GNG10: variants seen among roughly 807,000 people sequenced by gnomAD.
The protein encoded by GNG10 is G protein subunit gamma 10, also known as guanine nucleotide-binding protein G(I)/G(S)/G(O) subunit gamma-10.
A neutral mutation model predicts 6.8 loss-of-function variants in GNG10; 7 were observed. The observed-to-expected ratio is 1.02, with a 90% CI of 0.58 to 1.92. GNG10 has a LOEUF of 1.92. Among genes scored for constraint, GNG10 ranks in the 30% most tolerant of loss-of-function variants. GNG10 has a pLI of 0.00. For synonymous variants in GNG10, 28 were observed against 34.8 expected (o/e 0.80, Z 0.69); for missense variants, 57 against 86.1 (o/e 0.66, Z 1.34).
chr9:111,667,758 T>A (rs1830927666), intron 2 of GNG10, among the ~76,000 whole-genome samples: 1 of 151,968 alleles, frequency 6.6e-6, no homozygotes, highest in Admixed American at 6.6e-5. Flanking sequence ...GTGAGTGGGG[T>A]TAAAAGAGCT....
chr9:111,662,025 G>C (rs1295716195), intron 1 of GNG10, among the ~76,000 whole-genome samples: 1 of 151,406 alleles, frequency 6.6e-6, no homozygotes, highest in Non-Finnish European at 1.5e-5. Flanking sequence ...CGACGCGCGG[G>C]CCGGGAGGGT....
intron 1 of GNG10, among the ~76,000 whole-genome samples, chr9:111,662,287 G>T (rs976099079): frequency 7.2e-5 from 11 of 152,112 alleles, no homozygotes; most frequent in African/African-American, 2.7e-4. Flanking sequence ...AGCGCCCAGG[G>T]CTGAAAGAGG....
intron 2 of GNG10, among the ~76,000 whole-genome samples, chr9:111,668,906 C>T (rs1013312163): frequency 6.6e-6 from 1 of 151,780 alleles, no homozygotes; most frequent in Admixed American, 6.6e-5. Flanking sequence ...TTCCAGGCTG[C>T]AGTGCAATGG....
intron 1 of GNG10, among the ~76,000 whole-genome samples, chr9:111,663,185 T>G (rs993758360): frequency 6.6e-6 from 1 of 152,168 alleles, no homozygotes; most frequent in African/African-American, 2.4e-5. Context: ...GAAAGGGGAC[T>G]AAGGGAGTGG....
At chr9:111,666,477 T>C (rs2131281742) in intron 1 of GNG10, among the ~76,000 whole-genome samples, 1 of 152,358 alleles carries the variant, frequency 6.6e-6, no homozygotes, top group East Asian at 1.9e-4. Flanking sequence ...TATTGATGCA[T>C]GTTTTATATA....
At chr9:111,662,486 G>T (rs1830838441) in intron 1 of GNG10, among the ~76,000 whole-genome samples, 1 of 152,178 alleles carries the variant, frequency 6.6e-6, no homozygotes, top group Admixed American at 6.5e-5. Flanking sequence ...AGGAAGTAGG[G>T]ATTTCCAAAA....
intron 1 of GNG10, among the ~76,000 whole-genome samples, chr9:111,663,674 CTGTT>C (rs1163335854): frequency 6.6e-6 from 1 of 151,634 alleles, no homozygotes; most frequent in Non-Finnish European, 1.5e-5. Flanking sequence ...GAGGAGAAGG[CTGTT>C]TGAGGGGAAG....
intron 2 of GNG10, among the ~76,000 whole-genome samples, chr9:111,667,798 T>G (rs1403194633): frequency 6.6e-6 from 1 of 152,230 alleles, no homozygotes; most frequent in Admixed American, 6.5e-5. Flanking sequence ...AACACCTCTC[T>G]GGTGGCATAT....
In GNG10 at chr9:111,666,900, G is replaced by T. The variant is rs1239015418; in HGVS notation, c.167G>T (p.Ser56Ile). The T allele has an allele frequency of 5.6e-6, 9 of 1,613,950 alleles. No individual in the cohort carries two copies. Among genetic ancestry groups the T allele is most frequent in the Non-Finnish European group, 7.6e-6 (9 of 1,179,962 alleles). Residue 56 changes from serine to isoleucine, a missense_variant, in exon 2 of 3, where the codon AGT (serine) becomes ATT (isoleucine). Ser to Ile is a moderately radical substitution (Grantham distance 142). Transcript: ENST00000374293. ...DALLVGVPAGSNPFREPRSCA... is the reference protein window; with the variant it reads ...DALLVGVPAGINPFREPRSCA... Reference sequence around the variant, plus strand: ...CTGCTGGTGGGTGTTCCAGCTGGAAGTAACCCCTTCCGGGAGCCTAGATCC... The same window carrying T: ...CTGCTGGTGGGTGTTCCAGCTGGAATTAACCCCTTCCGGGAGCCTAGATCC...
chr9:111,668,311 A>G (rs1830938247), intron 2 of GNG10, among the ~76,000 whole-genome samples: 1 of 152,192 alleles, frequency 6.6e-6, no homozygotes, highest in Non-Finnish European at 1.5e-5. Context: ...CATTTAAAAG[A>G]AGGAAGCAAT....
At chr9:111,664,994 T>G (rs575851787) in intron 1 of GNG10, among the ~76,000 whole-genome samples, 1 of 152,334 alleles carries the variant, frequency 6.6e-6, no homozygotes, top group African/African-American at 2.4e-5. Flanking sequence ...ATTAGCCTGG[T>G]AATATTATAT....
chr9:111,666,919 T>C lies in GNG10; in HGVS notation c.186T>C (p.Pro62=), dbSNP rs762331521. The part of the protein sequence containing the change: ...VPAGSNPFRE[P]RSCALL ...CTGGAAGTAACCCCTTCCGGGAGCC[T>C]AGATCCTGTGCTTTACTCTGAAGAC... is the stretch of plus-strand genomic sequence containing the variant. The change falls in exon 2 of 3, where the codon CCT becomes CCC. Residue 62 remains proline (P), a synonymous_variant. Transcript: ENST00000374293. 23 of 1,613,976 alleles carry C rather than the reference T, an allele frequency of 1.4e-5. No homozygotes were observed. The highest frequency in any genetic ancestry group is 1.8e-5 in the Non-Finnish European group (21 of 1,179,994).
chr9:111,663,092 A>G (rs1469720049), intron 1 of GNG10, among the ~76,000 whole-genome samples: 2 of 152,144 alleles, frequency 1.3e-5, no homozygotes, highest in East Asian at 1.9e-4. Flanking sequence ...GTGTGTAAAG[A>G]TAAGTTTCTA....
chr9:111,661,806 A>AGTCC lies in GNG10; in HGVS notation c.81+91_81+92insGTCC. On this transcript the variant is annotated intron_variant, in intron 1 of 2. Coordinates refer to ENST00000374293, the MANE Select transcript of GNG10 (RefSeq NM_001017998.4). This position sits in a 1 kb window ranked among gnomAD's most constrained non-coding sequence, Gnocchi z 6.1. ...GGCCCGGACCGGGCGCCAGCGGGGG[A>AGTCC]CTCGGTGGCGGCGGCGAGGCCTCGG... is the stretch of plus-strand genomic sequence containing the variant. The AGTCC allele has an allele frequency of 2.8e-6, 2 of 702,398 alleles. No homozygotes were observed. Among genetic ancestry groups the AGTCC allele is most frequent in the Non-Finnish European group, 3.8e-6 (2 of 526,354 alleles). The allele number at this position is 702,398 out of a possible 1,614,324, so 43.5% of individuals were successfully genotyped here.
At chr9:111,663,710 G>A (rs1475109796) in intron 1 of GNG10, among the ~76,000 whole-genome samples, 1 of 152,118 alleles carries the variant, frequency 6.6e-6, no homozygotes, top group Non-Finnish European at 1.5e-5. Flanking sequence ...CTGAAATGAG[G>A]GTTGTTGGAA....
intron 1 of GNG10, among the ~76,000 whole-genome samples, chr9:111,662,800 T>G (rs1564091156): frequency 6.6e-6 from 1 of 152,008 alleles, no homozygotes; most frequent in Non-Finnish European, 1.5e-5. Context: ...AATGCAGAGG[T>G]CTGGTGGCTT....
At chr9:111,664,952 A>C (rs1564091682) in intron 1 of GNG10, among the ~76,000 whole-genome samples, 1 of 152,220 alleles carries the variant, frequency 6.6e-6, no homozygotes, top group Non-Finnish European at 1.5e-5. Flanking sequence ...AAAATGTCAG[A>C]GCTTCTATTG....
chr9:111,666,783 C>A, intron 1 of GNG10, 32 bp from the exon 2 acceptor site: 1 of 1,605,294 alleles, frequency 6.2e-7, no homozygotes, highest in Non-Finnish European at 8.5e-7. Flanking sequence ...TGGCTGTGAG[C>A]AGGGTGCCAT....
intron 2 of GNG10, among the ~76,000 whole-genome samples, chr9:111,667,997 C>T (rs955313223): frequency 7.2e-5 from 11 of 152,160 alleles, no homozygotes; most frequent in African/African-American, 2.7e-4. Context: ...GCTGGGATTA[C>T]AGGCGCATGC....
Sources: allele counts gnomAD v4.1 joint callset (sites outside exome capture counted in the v4.1 genomes callset), GRCh38; gene constraint gnomAD v4.1.1; non-coding constraint Gnocchi (gnomAD v3.1); transcripts MANE v1.5; gene names NCBI Gene and HGNC (gene_info 2026-07-23, HGNC 2026-07-21).